OSBPL10: variants seen among roughly 807,000 people sequenced by gnomAD.
OSBPL10 encodes the protein oxysterol binding protein like 10, also known as oxysterol-binding protein-related protein 10.
In OSBPL10, 49 loss-of-function variants were observed where a neutral mutation model predicts 81.7. The observed-to-expected ratio is 0.60, with a 90% confidence interval of 0.48 to 0.76. The LOEUF (loss-of-function observed/expected upper bound fraction) is 0.76. OSBPL10 is among the 30% of genes least tolerant of loss of function. The pLI is 0.00. For missense variants in OSBPL10, 923 were observed against 987.8 expected, an observed-to-expected ratio of 0.93 and a Z score of 0.88; for synonymous variants, 419 against 383.6, an observed-to-expected ratio of 1.09 and a Z score of -1.08.
At chr3:31,680,083 T>C (rs1426392792) in intron 8 of OSBPL10, among the ~76,000 whole-genome samples, 1 of 152,044 alleles carries the variant, frequency 6.6e-6, no homozygotes, top group Non-Finnish European at 1.5e-5. Flanking sequence ...TCCCTGTCGC[T>C]TCATCCAAGG....
chr3:31,943,026 C>T (rs186311185), intron 1 of OSBPL10, among the ~76,000 whole-genome samples: 184 of 152,254 alleles, frequency 1.2e-3, no homozygotes, highest in African/African-American at 4.3e-3. Context: ...TTTCCTCAGC[C>T]CTTGGTATCT....
chr3:31,672,763 G>A (rs1700358687), intron 8 of OSBPL10, among the ~76,000 whole-genome samples: 2 of 152,028 alleles, frequency 1.3e-5, no homozygotes. Context: ...TGACATGCTA[G>A]TATGTGATTA....
chr3:31,926,475 G>A (rs6810295), intron 1 of OSBPL10, among the ~76,000 whole-genome samples: 35,732 of 152,002 alleles, frequency 0.24, 4,328 homozygotes, highest in Non-Finnish European at 0.28. Flanking sequence ...TTGAGAAGCC[G>A]TGGAATAAAC....
rs145680120 is a variant in OSBPL10 at position 31,970,150 on chromosome 3, A to G, written c.281+10749T>C. On this transcript the variant is annotated intron_variant, in intron 1 of 11. Transcript: ENST00000396556. ...TGTCACTCTAGGCCTCAACATCTTC[A>G]CCTGTAAAACTGCGATTCTACCTGC... Among the ~76,000 whole-genome samples the G allele has an allele frequency of 8.0e-3, 1,211 of 152,216 alleles. 13 individuals carry two copies. The highest frequency in any genetic ancestry group is 0.054 in the Middle Eastern group (16 of 294).
chr3:31,831,780 T>TA lies in OSBPL10; in HGVS notation c.538-1550dup, dbSNP rs537470080. 5.2e-4 allele frequency among the ~76,000 whole-genome samples: 79 copies of TA among 151,406 alleles called. 2 individuals are homozygous for TA. In the South Asian group the frequency reaches 0.016, roughly 30 times the overall value. ...CCACAGAGAAACGAGTTTGTGGAGG[T>TA]AAAAAAGGTGGCAAAACCCTGAGAA... is the stretch of plus-strand genomic sequence containing the variant. On this transcript the variant is annotated intron_variant, in intron 3 of 11. Transcript: ENST00000396556.
At chr3:31,760,859 T>A (rs1698013458) in intron 4 of OSBPL10, among the ~76,000 whole-genome samples, 1 of 152,218 alleles carries the variant, frequency 6.6e-6, no homozygotes, top group Non-Finnish European at 1.5e-5. Context: ...TACGATGATG[T>A]TTAACTTTTT....
chr3:31,890,318 C>G (rs1363313486), intron 1 of OSBPL10, among the ~76,000 whole-genome samples: 1 of 151,718 alleles, frequency 6.6e-6, no homozygotes, highest in African/African-American at 2.4e-5. Context: ...AACAGCCAAA[C>G]CCCAGCTTTC....
intron 2 of OSBPL10, chr3:32,037,478 C>G (rs1237715806): frequency 5.6e-6 from 1 of 177,932 alleles, no homozygotes; most frequent in Non-Finnish European, 1.2e-5. Context: ...AGCAAGACCC[C>G]CATTTCTAAA....
At chr3:32,024,552 A>G (rs1455965493) in intron 2 of OSBPL10, among the ~76,000 whole-genome samples, 3 of 136,656 alleles carry the variant, frequency 2.2e-5, no homozygotes, top group Non-Finnish European at 4.5e-5. Flanking sequence ...GTGCGATGGC[A>G]TGATCTCGGC....
At chr3:31,784,989 A>G (rs1022954079) in intron 4 of OSBPL10, among the ~76,000 whole-genome samples, 4 of 152,096 alleles carry the variant, frequency 2.6e-5, no homozygotes, top group African/African-American at 9.7e-5. Flanking sequence ...GGTTCAAGCA[A>G]TTCTCCTGCC....
intron 4 of OSBPL10, among the ~76,000 whole-genome samples, chr3:31,750,952 T>C (rs1290869020): frequency 6.6e-6 from 1 of 152,078 alleles, no homozygotes; most frequent in African/African-American, 2.4e-5. Context: ...TTAGAGAATA[T>C]TCTTCTCTAT....
At chr3:31,776,789 G>A (rs1698559726) in intron 4 of OSBPL10, among the ~76,000 whole-genome samples, 1 of 152,118 alleles carries the variant, frequency 6.6e-6, no homozygotes, top group African/African-American at 2.4e-5. Flanking sequence ...GGGGGGAGGA[G>A]GGAAGGGAGG....
intron 2 of OSBPL10, among the ~76,000 whole-genome samples, chr3:32,026,049 T>TAGATAGATAGAC (rs1559551429): frequency 1.1e-4 from 13 of 118,764 alleles, no homozygotes; most frequent in Admixed American, 5.3e-4. Flanking sequence ...GATAGATAGA[T>TAGATAGATAGAC]AGATAGATGA....
At chr3:31,987,231 A>G (rs1698947390) in intron 2 of OSBPL10, among the ~76,000 whole-genome samples, 1 of 152,132 alleles carries the variant, frequency 6.6e-6, no homozygotes, top group African/African-American at 2.4e-5. Context: ...AAAACATATA[A>G]TACTTTCTAA....
chr3:31,916,096 C>CAAAAA (rs1160687382), intron 1 of OSBPL10, among the ~76,000 whole-genome samples: 3 of 82,488 alleles, frequency 3.6e-5, no homozygotes, highest in South Asian at 3.8e-4. Flanking sequence ...AACTCCGTCT[C>CAAAAA]AAAAAAAAAA....
At chr3:32,048,279 T>C (rs1291898725) in intron 1 of OSBPL10, among the ~76,000 whole-genome samples, 1 of 151,316 alleles carries the variant, frequency 6.6e-6, no homozygotes, top group Admixed American at 6.6e-5. Context: ...ATTCTCATTA[T>C]ATACTGTCAT....
intron 4 of OSBPL10, chr3:31,797,647 C>A: frequency 2.9e-6 from 1 of 347,892 alleles, no homozygotes; most frequent in South Asian, 2.1e-5. Context: ...AAGGTCACAG[C>A]TATTTTTCCA....
chr3:31,965,525 T>TTATATTATATAAATTATATATTA (rs1464871886), intron 1 of OSBPL10, among the ~76,000 whole-genome samples: 35 of 33,762 alleles, frequency 1.0e-3, no homozygotes, highest in Non-Finnish European at 1.4e-3. Flanking sequence ...ATATAAACTA[T>TTATATTATATAAATTATATATTA]TATATTATAT....
chr3:32,012,100 A>G (rs577376307), intron 2 of OSBPL10, among the ~76,000 whole-genome samples: 2 of 152,190 alleles, frequency 1.3e-5, no homozygotes, highest in Non-Finnish European at 2.9e-5. Context: ...GAATGCCACA[A>G]AGATACTCCT....
Sources: allele counts gnomAD v4.1 joint callset (sites outside exome capture counted in the v4.1 genomes callset), GRCh38; gene constraint gnomAD v4.1.1; transcripts MANE v1.5; gene names NCBI Gene and HGNC (gene_info 2026-07-23, HGNC 2026-07-21).